ADGB: variants seen among roughly 807,000 people sequenced by gnomAD.
ADGB encodes the protein androglobin, also known as calpain-7-like protein.
ADGB carries 172 observed loss-of-function variants against 210.5 expected under a neutral mutation model. The observed-to-expected ratio is 0.82, with a 90% CI of 0.72 to 0.93. The LOEUF is 0.93. Ranked by LOEUF, ADGB falls within the 40% of genes least tolerant of loss-of-function variation. The pLI, the probability that ADGB is intolerant of heterozygous loss-of-function variation, is 0.00. For missense variants in ADGB, 2,025 were observed against 1,964.8 expected (o/e 1.03, Z -0.58); for synonymous variants, 658 against 662.7 (o/e 0.99, Z 0.11).
At position 146,650,597 on chromosome 6, in the gene ADGB, C is replaced by CAAAAAAAAA. The variant is rs57913607; in HGVS notation, c.331-3509_331-3501dup. On this transcript the variant is annotated intron_variant, in intron 3 of 35. Transcript: ENST00000397944. ...ATAAATACTCCTGAGTCCCTCCCAC[C>CAAAAAAAAA]AAAAAAAAAAAAAAAAAAAAAAAAA... Among the ~76,000 whole-genome samples the CAAAAAAAAA allele has an allele frequency of 6.8e-4, 25 of 36,560 alleles. 5 individuals are homozygous for CAAAAAAAAA. The highest frequency in any genetic ancestry group is 3.0e-3 in the African/African-American group (22 of 7,446). The allele number at this position is 36,560 out of a possible 152,430, so 24.0% of individuals were successfully genotyped here. A position where few individuals can be genotyped will look rare whatever the true frequency, so the allele number is the denominator to read the frequency against.
At chr6:146,662,083 G>C (rs962133253) in intron 5 of ADGB, among the ~76,000 whole-genome samples, 1 of 152,066 alleles carries the variant, frequency 6.6e-6, no homozygotes, top group African/African-American at 2.4e-5. Flanking sequence ...CTTTTAAGAA[G>C]TTGGAATTCG....
intron 32 of ADGB, among the ~76,000 whole-genome samples, chr6:146,786,702 A>G (rs549630728): frequency 6.6e-6 from 1 of 152,300 alleles, no homozygotes; most frequent in East Asian, 1.9e-4. Flanking sequence ...GGGATCTGAA[A>G]TATTTCTAAC....
chr6:146,667,694 G>C (rs1048582590), intron 7 of ADGB, among the ~76,000 whole-genome samples: 2 of 151,972 alleles, frequency 1.3e-5, no homozygotes, highest in African/African-American at 2.4e-5. Context: ...TTATAAACCT[G>C]TCACACTTAC....
At chr6:146,678,642 T>C (rs1286517574) in intron 9 of ADGB, among the ~76,000 whole-genome samples, 1 of 152,164 alleles carries the variant, frequency 6.6e-6, no homozygotes, top group Non-Finnish European at 1.5e-5. Context: ...AGCATATTTA[T>C]GACAACGGTC....
intron 8 of ADGB, among the ~76,000 whole-genome samples, chr6:146,673,886 A>G (rs1270767406): frequency 2.0e-5 from 3 of 152,146 alleles, no homozygotes; most frequent in Non-Finnish European, 4.4e-5. Context: ...CAGGAATGAT[A>G]TTTACCAAGG....
chr6:146,733,538 G>T (rs962767351), intron 21 of ADGB, among the ~76,000 whole-genome samples: 3 of 152,080 alleles, frequency 2.0e-5, no homozygotes, highest in African/African-American at 7.2e-5. Flanking sequence ...TATATGGTTT[G>T]ATTTGAAGAA....
At chr6:146,808,000 T>G (rs991909058) in intron 35 of ADGB, among the ~76,000 whole-genome samples, 5 of 145,954 alleles carry the variant, frequency 3.4e-5, no homozygotes, top group African/African-American at 7.6e-5. Context: ...CAGTTTTTTT[T>G]TTTTTTTTTT....
chr6:146,629,671 A>T (rs1178761018), intron 1 of ADGB, among the ~76,000 whole-genome samples: 1 of 152,120 alleles, frequency 6.6e-6, no homozygotes, highest in East Asian at 1.9e-4. Flanking sequence ...CAAAATCACC[A>T]ATTTATTTTT....
Position 146,745,989 on chromosome 6 carries a change from T to C in ADGB, c.3245T>C (p.Leu1082Pro). Residue 1082 changes from leucine (L) to proline (P), a missense_variant, in exon 26 of 36, where the codon CTG (leucine) becomes CCG (proline). Transcript: ENST00000397944. ...DTYVAASRWK[L>P]RLIGSSAPLP... ...TATGTAGCAGCCTCACGATGGAAAC[T>C]GCGTCTCATCGGTTCTTCTGCTCCA... 1 of 1,551,392 alleles carries C rather than the reference T, an allele frequency of 6.4e-7. No homozygotes were observed.
intron 1 of ADGB, among the ~76,000 whole-genome samples, chr6:146,619,061 A>G (rs1031979170): frequency 6.6e-6 from 1 of 152,036 alleles, no homozygotes; most frequent in African/African-American, 2.4e-5. Context: ...TATTTTTACA[A>G]TTGCTACATC....
At chr6:146,599,205 C>T in intron 1 of ADGB, 91 bp downstream of exon 1, 2 of 1,231,010 alleles carry the variant, frequency 1.6e-6, no homozygotes, top group South Asian at 2.6e-5. Flanking sequence ...GCAAACTGTG[C>T]CAGGGCAGAA....
At chr6:146,747,583 G>A in intron 26 of ADGB, among the ~76,000 whole-genome samples, 1 of 152,056 alleles carries the variant, frequency 6.6e-6, no homozygotes, top group East Asian at 1.9e-4. Flanking sequence ...GCTATAGTAA[G>A]TAGTAAGACC....
rs1006635836 is a variant in ADGB at position 146,656,995 on chromosome 6, G to T, written c.612+15G>T. ...TTTACTGGATGGTAAGTCCATTTTC[G>T]TGTGCATAAAAACTCATGAGTCTTT... is the stretch of plus-strand genomic sequence containing the variant. On this transcript the variant is annotated intron_variant, in intron 5 of 35. Coordinates refer to ENST00000397944, the MANE Select transcript of ADGB (RefSeq NM_024694.4). 8.5e-6 allele frequency: 13 copies of T among 1,538,058 alleles called. No homozygotes were observed. In the East Asian group the frequency reaches 2.9e-4, roughly 35 times the overall value.
At chr6:146,807,829 T>G (rs1336841689) in intron 35 of ADGB, 1 of 288,214 alleles carries the variant, frequency 3.5e-6, no homozygotes, top group African/African-American at 2.2e-5. Context: ...AAATATATGT[T>G]TGACACTCTA....
At chr6:146,791,033 G>C (rs113540633) in intron 33 of ADGB, among the ~76,000 whole-genome samples, 50 of 152,194 alleles carry the variant, frequency 3.3e-4, no homozygotes, top group African/African-American at 1.1e-3. Flanking sequence ...ATTTTTTAAT[G>C]TAGTTATTTG....
rs562966271 is a variant in ADGB, at chr6:146,648,072, T to G, written c.330+3207T>G. 3.9e-5 allele frequency among the ~76,000 whole-genome samples: 6 copies of G among 152,226 alleles called. No homozygotes were observed. In the South Asian group the frequency reaches 1.2e-3, roughly 32 times the overall value. The stretch of plus-strand genomic sequence containing the variant: ...TTGGACTTTCTTGTTTTATGTGGTC[T>G]TTTTAAAATAATAAGTCATTTTATT... On this transcript the variant is annotated intron_variant, in intron 3 of 35. Transcript: ENST00000397944.
At chr6:146,784,880 A>G in intron 31 of ADGB, 86 bp downstream of exon 31, 2 of 1,343,004 alleles carry the variant, frequency 1.5e-6, no homozygotes, top group Non-Finnish European at 2.0e-6. Flanking sequence ...TAAAAACCAT[A>G]TAGCCTGTCC....
intron 12 of ADGB, among the ~76,000 whole-genome samples, chr6:146,699,854 A>G (rs1776465406): frequency 6.6e-6 from 1 of 152,146 alleles, no homozygotes. Flanking sequence ...AGGGACCCCA[A>G]ATGGATTAGT....
rs558998213 is a variant in ADGB, at chr6:146,766,098, G to A, written c.3750+1998G>A. Among the ~76,000 whole-genome samples, 45 of 152,216 alleles carry A rather than the reference G, an allele frequency of 3.0e-4. 1 individual carries two copies. In the South Asian group the frequency reaches 8.5e-3, roughly 29 times the overall value. ...ATAAGAGTATTAGAAACAGCTCTGTGCCAGCAAATTTAAAACCTACAGGGT... is the reference window on the plus strand; with the variant it reads ...ATAAGAGTATTAGAAACAGCTCTGTACCAGCAAATTTAAAACCTACAGGGT... On this transcript the variant is annotated intron_variant, in intron 28 of 35. Coordinates refer to ENST00000397944, the MANE Select transcript of ADGB (RefSeq NM_024694.4).
Sources: allele counts gnomAD v4.1 joint callset (sites outside exome capture counted in the v4.1 genomes callset), GRCh38; gene constraint gnomAD v4.1.1; transcripts MANE v1.5; gene names NCBI Gene and HGNC (gene_info 2026-07-23, HGNC 2026-07-21).